The following HMGA2 variants were observed in gnomAD, a reference collection of about 807,000 sequenced individuals.
HMGA2 encodes the protein high mobility group AT-hook 2.
A neutral mutation model predicts 19.1 loss-of-function variants in HMGA2; 8 were observed. The observed-to-expected ratio is 0.42, with a 90% CI of 0.25 to 0.76. The LOEUF is 0.76. HMGA2 is among the 30% of genes least tolerant of loss of function. The pLI is 0.28. For missense variants in HMGA2, 109 were observed against 136.3 expected, an observed-to-expected ratio of 0.80 and a Z score of 1.00; for synonymous variants, 60 against 48.8, an observed-to-expected ratio of 1.23 and a Z score of -0.96.
At chr12:65,863,742 A>G (rs1324178528) in intron 3 of HMGA2, among the ~76,000 whole-genome samples, 2 of 152,184 alleles carry the variant, frequency 1.3e-5, no homozygotes, top group Non-Finnish European at 2.9e-5. Context: ...TGACTAGGGA[A>G]TGTTGTCTTT....
chr12:65,840,687 G>A (rs1480858648), intron 3 of HMGA2, among the ~76,000 whole-genome samples: 2 of 152,136 alleles, frequency 1.3e-5, no homozygotes, highest in Non-Finnish European at 2.9e-5. Context: ...TGTTTTCTAA[G>A]CATCAGAACT....
At chr12:65,879,533 GAAC>G in intron 3 of HMGA2, among the ~76,000 whole-genome samples, 1 of 152,148 alleles carries the variant, frequency 6.6e-6, no homozygotes, top group African/African-American at 2.4e-5. Flanking sequence ...AGAAAAAAGA[GAAC>G]AAGAGTATGT....
At chr12:65,833,806 A>G (rs1222311355) in intron 2 of HMGA2, among the ~76,000 whole-genome samples, 1 of 151,964 alleles carries the variant, frequency 6.6e-6, no homozygotes. Context: ...TCCCATTTGT[A>G]AAACGGGAAG....
intron 3 of HMGA2, among the ~76,000 whole-genome samples, chr12:65,946,822 A>G (rs1876281931): frequency 6.6e-6 from 1 of 152,228 alleles, no homozygotes; most frequent in Non-Finnish European, 1.5e-5. Context: ...AAAATTCAGT[A>G]ACTTTTTTTC....
intron 2 of HMGA2, among the ~76,000 whole-genome samples, chr12:65,835,875 T>C (rs1870695834): frequency 6.6e-6 from 1 of 152,200 alleles, no homozygotes; most frequent in South Asian, 2.1e-4. Context: ...AAAGGATTTC[T>C]ATTTTCCATG....
chr12:65,911,975 G>T (rs1722120710), intron 3 of HMGA2, among the ~76,000 whole-genome samples: 1 of 152,044 alleles, frequency 6.6e-6, no homozygotes, highest in South Asian at 2.1e-4. Flanking sequence ...TACTCTCTAT[G>T]GATCTGGCCA....
chr12:65,866,825 C>T (rs890362256), intron 3 of HMGA2: 38 of 457,290 alleles, frequency 8.3e-5, no homozygotes, highest in Admixed American at 4.5e-4. Flanking sequence ...CTGACATGTA[C>T]CAAGATTGCT....
intron 3 of HMGA2, among the ~76,000 whole-genome samples, chr12:65,871,673 G>C (rs560795177): frequency 6.6e-6 from 1 of 152,208 alleles, no homozygotes; most frequent in African/African-American, 2.4e-5. Context: ...CTCTAGGTGA[G>C]AGAACTACAT....
At chr12:65,849,223 A>G (rs1565706941) in intron 3 of HMGA2, among the ~76,000 whole-genome samples, 1 of 152,182 alleles carries the variant, frequency 6.6e-6, no homozygotes, top group Non-Finnish European at 1.5e-5. Flanking sequence ...TCTCTCAGGT[A>G]GTCCAACTTC....
chr12:65,835,693 A>C (rs1870686150), intron 2 of HMGA2, among the ~76,000 whole-genome samples: 1 of 152,138 alleles, frequency 6.6e-6, no homozygotes. Flanking sequence ...AAATACAGTG[A>C]AACTCTTTCA....
rs548956361 is a variant in HMGA2 at position 65,952,544 on chromosome 12, C to A, written c.282+1129C>A. 6.4e-6 allele frequency: 9 copies of A among 1,410,248 alleles called. 1 individual carries two copies. The South Asian group carries it at 1.3e-4, about 21-fold the overall frequency. 87.4% of individuals were successfully genotyped at this position (1,410,248 alleles called of 1,614,324 possible). Reference sequence around the variant, plus strand: ...GAGTTACCATGAAAAAAATCATTTTCATTGCTGCTCCCATACCTAAAAGCT... The same window carrying A: ...GAGTTACCATGAAAAAAATCATTTTAATTGCTGCTCCCATACCTAAAAGCT... On this transcript the variant is annotated intron_variant, in intron 4 of 4. Transcript: ENST00000403681.
chr12:65,875,235 A>G (rs938727811), intron 3 of HMGA2, among the ~76,000 whole-genome samples: 7 of 152,228 alleles, frequency 4.6e-5, no homozygotes, highest in Non-Finnish European at 7.3e-5. Context: ...CTTACTGGCA[A>G]TAATACCAGA....
chr12:65,918,936 T>C (rs1875205320), intron 3 of HMGA2, among the ~76,000 whole-genome samples: 1 of 152,156 alleles, frequency 6.6e-6, no homozygotes, highest in African/African-American at 2.4e-5. Context: ...CTGACTACAA[T>C]TTTCAAAGCA....
chr12:65,888,288 T>A (rs1238055694), intron 3 of HMGA2, among the ~76,000 whole-genome samples: 2 of 151,930 alleles, frequency 1.3e-5, no homozygotes, highest in East Asian at 2.0e-4. Flanking sequence ...AAACCCTGTC[T>A]CTACTAAAAA....
intron 3 of HMGA2, chr12:65,842,117 T>A (rs1871026289): frequency 7.8e-7 from 1 of 1,289,714 alleles, no homozygotes; most frequent in East Asian, 5.5e-5. Context: ...GTCTCTTTTT[T>A]TCCTGGCTTT....
chr12:65,863,513 G>C (rs1872221247), intron 3 of HMGA2, among the ~76,000 whole-genome samples: 1 of 152,158 alleles, frequency 6.6e-6, no homozygotes, highest in South Asian at 2.1e-4. Context: ...GTAAAGAGGA[G>C]TACAGTGTCC....
intron 3 of HMGA2, among the ~76,000 whole-genome samples, chr12:65,891,471 A>G (rs957659240): frequency 6.6e-5 from 10 of 152,230 alleles, no homozygotes; most frequent in Non-Finnish European, 1.5e-5. Context: ...TTTAGGGAAG[A>G]CAGTTAGGCT....
At chr12:65,851,138 T>C (rs1305177248) in intron 3 of HMGA2, among the ~76,000 whole-genome samples, 1 of 152,252 alleles carries the variant, frequency 6.6e-6, no homozygotes, top group African/African-American at 2.4e-5. Context: ...TGAGACTAAA[T>C]TTCTTCTTTT....
chr12:65,865,758 C>T (rs1055318653), intron 3 of HMGA2, among the ~76,000 whole-genome samples: 4 of 151,672 alleles, frequency 2.6e-5, no homozygotes, highest in African/African-American at 9.7e-5. Flanking sequence ...CCTCAGCCTC[C>T]CGAGTAGCTG....
Sources: gnomAD v4.1 joint callset for allele counts (sites outside exome capture counted in the v4.1 genomes callset) on GRCh38, gnomAD v4.1.1 for gene constraint, MANE v1.5 for transcripts, NCBI Gene and HGNC (gene_info 2026-07-23, HGNC 2026-07-21) for gene names.